Variants in LRMDA observed in about 807,000 individuals in gnomAD.
The protein encoded by LRMDA is leucine-rich melanocyte differentiation-associated protein.
Under a neutral mutation model 29.8 loss-of-function variants are expected in LRMDA, and 18 were observed. The observed-to-expected ratio is 0.60, with a 90% CI of 0.42 to 0.90. The LOEUF is 0.90. Ranked by LOEUF, LRMDA falls within the 40% of genes least tolerant of loss-of-function variation. The pLI, the probability that LRMDA is intolerant of heterozygous loss-of-function variation, is 0.00. For missense variants in LRMDA, 273 were observed against 273.9 expected (o/e 1.00, Z 0.02); for synonymous variants, 125 against 109.4 (o/e 1.14, Z -0.89).
intron 5 of LRMDA, among the ~76,000 whole-genome samples, chr10:76,152,663 C>T (rs2132167359): frequency 6.6e-6 from 1 of 152,218 alleles, no homozygotes; most frequent in Middle Eastern, 3.4e-3. Context: ...ATGAGAGTTT[C>T]AATTTCTCTA....
chr10:75,909,656 C>T (rs73293364), intron 2 of LRMDA, among the ~76,000 whole-genome samples: 2,830 of 152,164 alleles, frequency 0.019, 88 homozygotes, highest in African/African-American at 0.064. Context: ...TATTTGACCT[C>T]GGGTAGGCTT....
chr10:75,647,658 C>T (rs1239344678), intron 2 of LRMDA: 1 of 152,094 alleles, frequency 6.6e-6, no homozygotes, highest in Non-Finnish European at 1.5e-5. Context: ...GGTCAAGACT[C>T]TTAATTGCAT....
At chr10:76,265,190 T>C (rs773528771) in intron 5 of LRMDA, among the ~76,000 whole-genome samples, 1 of 152,226 alleles carries the variant, frequency 6.6e-6, no homozygotes, top group Non-Finnish European at 1.5e-5. Context: ...TCCGTTTATG[T>C]CTTTCCTCCT....
At chr10:75,706,083 C>T (rs991263239) in intron 2 of LRMDA, among the ~76,000 whole-genome samples, 2 of 152,122 alleles carry the variant, frequency 1.3e-5, no homozygotes, top group Non-Finnish European at 1.5e-5. Context: ...CCTTTTTCAC[C>T]TGACAGGAGA....
At position 76,284,027 on chromosome 10, in the gene LRMDA, C is replaced by T. The variant is rs1051845318; in HGVS notation, c.517-40374C>T. On this transcript the variant is annotated intron_variant, in intron 5 of 6. Transcript: ENST00000611255. The stretch of plus-strand genomic sequence containing the variant: ...TAATTAGGGAGGCAATTCCACTGTT[C>T]TGCATCCTGGTCACATCTTCAAGAG... 1.5e-4 allele frequency among the ~76,000 whole-genome samples: 23 copies of T among 152,268 alleles called. 1 individual carries two copies. In the East Asian group the frequency reaches 3.7e-3, roughly 24 times the overall value.
chr10:76,502,580 G>A (rs1268899290), intron 6 of LRMDA, among the ~76,000 whole-genome samples: 2 of 151,718 alleles, frequency 1.3e-5, no homozygotes. Flanking sequence ...CACCCTCTTG[G>A]TTAGCTGTGT....
At chr10:76,495,287 A>C (rs139693347) in intron 6 of LRMDA, among the ~76,000 whole-genome samples, 1 of 151,902 alleles carries the variant, frequency 6.6e-6, no homozygotes, top group African/African-American at 2.4e-5. Context: ...TCTTCCATTG[A>C]ATTGTTTGTT....
At chr10:76,544,676 A>G (rs1365649222) in intron 6 of LRMDA, among the ~76,000 whole-genome samples, 1 of 151,394 alleles carries the variant, frequency 6.6e-6, no homozygotes, top group Non-Finnish European at 1.5e-5. Context: ...TTGCATTAAC[A>G]TATACATACA....
intron 5 of LRMDA, among the ~76,000 whole-genome samples, chr10:76,289,335 A>G (rs1354792858): frequency 2.6e-5 from 4 of 152,168 alleles, no homozygotes; most frequent in Non-Finnish European, 4.4e-5. Context: ...CCTAAGTTGT[A>G]CCTGCCAAAT....
chr10:76,433,120 C>G (rs574915940), intron 6 of LRMDA, among the ~76,000 whole-genome samples: 36 of 152,324 alleles, frequency 2.4e-4, no homozygotes, highest in Non-Finnish European at 4.1e-4. Flanking sequence ...ATTGCTGTCT[C>G]CCAGTCCAGT....
At chr10:76,316,680 C>G (rs1447050269) in intron 5 of LRMDA, among the ~76,000 whole-genome samples, 2 of 152,124 alleles carry the variant, frequency 1.3e-5, no homozygotes, top group Admixed American at 1.3e-4. Context: ...ATAATTAATG[C>G]CAGAAATGTG....
At chr10:76,239,428 C>G (rs1202332526) in intron 5 of LRMDA, among the ~76,000 whole-genome samples, 4 of 152,196 alleles carry the variant, frequency 2.6e-5, no homozygotes, top group Admixed American at 2.6e-4. Context: ...CCAGTTGTCT[C>G]AAAAATATCT....
At chr10:75,556,336 A>G (rs1564799583) in intron 2 of LRMDA, among the ~76,000 whole-genome samples, 1 of 152,248 alleles carries the variant, frequency 6.6e-6, no homozygotes, top group Non-Finnish European at 1.5e-5. Context: ...TAGCAAAGAC[A>G]GTGGGACATC....
At position 75,545,601 on chromosome 10, in the gene LRMDA, G is replaced by A. The variant is rs117845639; in HGVS notation, c.131+107107G>A. 2.3e-3 allele frequency among the ~76,000 whole-genome samples: 351 copies of A among 152,202 alleles called. 7 individuals are homozygous for A. The highest frequency in any genetic ancestry group is 0.012 in the East Asian group (62 of 5,166). On this transcript the variant is annotated intron_variant, in intron 2 of 6. Coordinates refer to ENST00000611255, the MANE Select transcript of LRMDA (RefSeq NM_001305581.2). ...AGAAATTGGTTGCCGTCCTAAAGGT[G>A]GTGACATGAATCTTGGAGATCATCT...
intron 2 of LRMDA, among the ~76,000 whole-genome samples, chr10:75,737,497 G>A (rs1842780205): frequency 6.6e-6 from 1 of 152,186 alleles, no homozygotes; most frequent in Non-Finnish European, 1.5e-5. Context: ...CATCTGGGTT[G>A]GTTTGGCAGC....
At chr10:76,372,289 A>G (rs1225781778) in intron 6 of LRMDA, among the ~76,000 whole-genome samples, 1 of 152,138 alleles carries the variant, frequency 6.6e-6, no homozygotes, top group Non-Finnish European at 1.5e-5. Context: ...ACTGGAGGGA[A>G]GCATTGCAAG....
At chr10:76,550,844 TTCTG>T (rs1226870942) in intron 6 of LRMDA, among the ~76,000 whole-genome samples, 5 of 152,200 alleles carry the variant, frequency 3.3e-5, no homozygotes, top group African/African-American at 4.8e-5. Flanking sequence ...CTCTTCTTTA[TTCTG>T]TCTTAGTATT....
intron 2 of LRMDA, among the ~76,000 whole-genome samples, chr10:75,942,346 G>A (rs1258209532): frequency 6.6e-6 from 1 of 152,118 alleles, no homozygotes; most frequent in Non-Finnish European, 1.5e-5. Context: ...AGGAGCTTGG[G>A]ACCACTATAA....
chr10:76,476,911 A>ATT (rs1842679387), intron 6 of LRMDA, among the ~76,000 whole-genome samples: 1 of 152,176 alleles, frequency 6.6e-6, no homozygotes, highest in Non-Finnish European at 1.5e-5. Context: ...CAAAATAATA[A>ATT]GAGCTATTTA....
Sources: gnomAD v4.1 joint callset for allele counts (sites outside exome capture counted in the v4.1 genomes callset) on GRCh38, gnomAD v4.1.1 for gene constraint, MANE v1.5 for transcripts, NCBI Gene and HGNC (gene_info 2026-07-23, HGNC 2026-07-21) for gene names.